SPATA9: variants seen among roughly 807,000 people sequenced by gnomAD.
The protein encoded by SPATA9 is spermatogenesis associated 9, also known as spermatogenesis-associated protein 9.
In SPATA9, 27 loss-of-function variants were observed where a neutral mutation model predicts 25.5. That is an observed-to-expected ratio of 1.06 (90% CI 0.78 to 1.46). The LOEUF is 1.46. Among genes scored for constraint, SPATA9 ranks in the 40% most tolerant of loss-of-function variants. SPATA9 has a pLI of 0.00. For synonymous variants in SPATA9, 102 were observed against 105.7 expected, an observed-to-expected ratio of 0.97 and a Z score of 0.21; for missense variants, 282 against 297.5, an observed-to-expected ratio of 0.95 and a Z score of 0.38.
intron 1 of SPATA9, among the ~76,000 whole-genome samples, chr5:95,698,061 C>T (rs149356): frequency 0.57 from 86,437 of 152,024 alleles, 24,742 homozygotes; most frequent in East Asian, 0.8. Flanking sequence ...CAATATTTAA[C>T]ATATGTACTC....
the SPATA9 span, among the ~76,000 whole-genome samples, chr5:95,728,993 C>A: frequency 3.3e-5 from 5 of 152,176 alleles, no homozygotes; most frequent in Non-Finnish European, 7.3e-5. Flanking sequence ...CAGGAAGTTA[C>A]CCTATATGGT....
downstream of SPATA9, chr5:95,652,402 C>T (rs142083705): frequency 2.0e-6 from 3 of 1,517,664 alleles, no homozygotes; most frequent in East Asian, 2.5e-5. Context: ...ACTTTAGTCT[C>T]ATATATCTGG....
chr5:95,718,994 C>T, the SPATA9 span, among the ~76,000 whole-genome samples: 3 of 152,000 alleles, frequency 2.0e-5, no homozygotes, highest in South Asian at 4.1e-4. Context: ...GTGATATTAT[C>T]TAGGATTTGC....
upstream of SPATA9, among the ~76,000 whole-genome samples, chr5:95,686,243 G>A (rs1453039981): frequency 2.0e-5 from 3 of 152,148 alleles, no homozygotes; most frequent in Admixed American, 2.0e-4. Context: ...TCATTAAATG[G>A]TTGCTACCTC....
the SPATA9 span, among the ~76,000 whole-genome samples, chr5:95,722,971 A>G: frequency 6.6e-6 from 1 of 152,358 alleles, no homozygotes; most frequent in South Asian, 2.1e-4. Context: ...AGTTGTTTTA[A>G]AAACATCACT....
downstream of SPATA9, chr5:95,658,237 T>C (rs531779907): frequency 6.5e-6 from 1 of 154,732 alleles, no homozygotes; most frequent in South Asian, 2.0e-4. Flanking sequence ...AAAATAAATA[T>C]TCTTTTATTT....
At position 95,658,763 on chromosome 5, in the gene SPATA9, T is replaced by C. The variant is rs34297786; in HGVS notation, c.625A>G (p.Lys209Glu). Residue 209 changes from lysine (K) to glutamate (E), a missense_variant, in exon 5 of 5, where the codon AAA (lysine) becomes GAA (glutamate). Coordinates refer to ENST00000274432, the MANE Select transcript of SPATA9 (RefSeq NM_031952.4). The stretch of plus-strand genomic sequence containing the variant: ...GGCAATGACCTATAAGGTTTTGCTT[T>C]GATTTCACCTTCAGCAAACATAGGC... ...SEPMFAEGEI[K>E]AKPYRSLPEK... is the part of the protein sequence containing the mutation. The C allele has an allele frequency of 0.036, 58,020 of 1,613,880 alleles. 1,259 individuals are homozygous for C. The highest frequency in any genetic ancestry group is 0.075 in the African/African-American group (5,607 of 74,984).
upstream of SPATA9, among the ~76,000 whole-genome samples, chr5:95,685,834 G>A (rs185073419): frequency 1.3e-4 from 20 of 151,920 alleles, no homozygotes; most frequent in African/African-American, 4.1e-4. Context: ...TAGTTTTTTC[G>A]TTTGTTTGTT....
chr5:95,665,973 A>AG (rs1414246514), intron 3 of SPATA9, among the ~76,000 whole-genome samples: 5 of 150,322 alleles, frequency 3.3e-5, no homozygotes, highest in African/African-American at 1.3e-4. Flanking sequence ...CCATCTCAAA[A>AG]TAAATAAATA....
At chr5:95,654,150 A>T, downstream of SPATA9, 1 of 1,612,536 alleles carries the variant, frequency 6.2e-7, no homozygotes. Flanking sequence ...AAAAAATCTG[A>T]AAGAATGACA....
chr5:95,675,783 A>AATTCTTGAAT, intron 2 of SPATA9, 144 bp from the exon 3 acceptor site: 1 of 551,204 alleles, frequency 1.8e-6, no homozygotes, highest in Non-Finnish European at 3.1e-6. Context: ...CTGTCCCCCC[A>AATTCTTGAAT]TGAAACCCCT....
the SPATA9 span, chr5:95,708,553 T>C: frequency 1.4e-6 from 1 of 695,666 alleles, no homozygotes; most frequent in South Asian, 1.5e-5. Context: ...GCAGAAAAAC[T>C]GATAAGTATC....
rs760901108 is a variant in SPATA9, at chr5:95,658,740, C to T, written c.648G>A (p.Leu216=). The T allele has an allele frequency of 6.2e-7, 1 of 1,613,858 alleles. No individual in the cohort carries two copies. The highest frequency in any genetic ancestry group is 8.5e-7 in the Non-Finnish European group (1 of 1,179,878). Residue 216 remains leucine (L), a synonymous_variant, in exon 5 of 5, where the codon TTG becomes TTA. Coordinates refer to ENST00000274432, the MANE Select transcript of SPATA9 (RefSeq NM_031952.4). ...AATCTGAAATGTCTGGCTTCTCCGG[C>T]AATGACCTATAAGGTTTTGCTTTGA... ...GEIKAKPYRS[L]PEKPDISDYP... is the part of the protein sequence containing the mutation.
At chr5:95,659,006 A>G (rs1020028760) in intron 4 of SPATA9, 93 bp from the exon 5 acceptor site, 32 of 1,457,538 alleles carry the variant, frequency 2.2e-5, no homozygotes, top group African/African-American at 4.3e-5. Flanking sequence ...ACATAAAGTC[A>G]TTTAATCTAC....
the SPATA9 span, among the ~76,000 whole-genome samples, chr5:95,711,051 G>A: frequency 1.3e-5 from 2 of 152,060 alleles, no homozygotes; most frequent in South Asian, 2.1e-4. Flanking sequence ...CTCTAAAAAC[G>A]CTCCTGGTGA....
At chr5:95,662,949 C>A (rs1751402199) in intron 4 of SPATA9, among the ~76,000 whole-genome samples, 1 of 152,154 alleles carries the variant, frequency 6.6e-6, no homozygotes, top group African/African-American at 2.4e-5. Context: ...GCAACTTGGA[C>A]TTAAAACTGA....
chr5:95,675,117 A>T (rs1344001802), intron 3 of SPATA9, among the ~76,000 whole-genome samples: 1 of 152,212 alleles, frequency 6.6e-6, no homozygotes, highest in Non-Finnish European at 1.5e-5. Context: ...AAACACAATA[A>T]TTTTTAAGGC....
chr5:95,701,787 T>C (rs1190167324), upstream of SPATA9, among the ~76,000 whole-genome samples: 1 of 152,172 alleles, frequency 6.6e-6, no homozygotes, highest in Non-Finnish European at 1.5e-5. Flanking sequence ...TTTGTGAAAG[T>C]TGCCATGAGA....
upstream of SPATA9, among the ~76,000 whole-genome samples, chr5:95,687,404 T>C (rs1753776043): frequency 1.3e-5 from 2 of 152,216 alleles, 1 homozygote; most frequent in South Asian, 4.1e-4. Flanking sequence ...TGTGTGTAAA[T>C]AGGAAATTTG....
Sources: allele counts gnomAD v4.1 joint callset (sites outside exome capture counted in the v4.1 genomes callset), GRCh38; gene constraint gnomAD v4.1.1; transcripts MANE v1.5; gene names NCBI Gene and HGNC (gene_info 2026-07-23, HGNC 2026-07-21).